Variants in ZNF469 observed in about 807,000 individuals in gnomAD.
ZNF469 encodes the protein zinc finger protein 469.
In ZNF469, 1 loss-of-function variant was observed where a neutral mutation model predicts 1.0. That is an observed-to-expected ratio of 1.00 (90% CI 0.35 to 4.73). ZNF469 has a LOEUF of 4.73. Ranked by LOEUF, ZNF469 falls within the 30% of genes most tolerant of loss-of-function variation. The probability of loss-of-function intolerance (pLI) is 0.16; values close to 1 mark genes in which losing one functional copy is unlikely to be tolerated. For synonymous variants in ZNF469, 2,703 were observed against 2,363.4 expected (o/e 1.14, Z -4.17); for missense variants, 6,100 against 5,356.3 (o/e 1.14, Z -4.33).
At position 88,427,908 on chromosome 16, in the gene ZNF469, G is replaced by C; in HGVS notation, c.438G>C (p.Gln146His). ...TPENPQLEAA[Q>H]LPEVDTPQGP... Reference sequence around the variant, plus strand: ...AGAACCCACAGCTGGAGGCTGCCCAGCTCCCTGAGGTGGACACCCCCCAGG... The same window carrying C: ...AGAACCCACAGCTGGAGGCTGCCCACCTCCCTGAGGTGGACACCCCCCAGG... Residue 146 changes from glutamine (Q) to histidine (H), a missense_variant, in exon 3 of 3, where the codon CAG becomes CAC. Physicochemically the swap from Gln to His is conservative, Grantham distance 24. Coordinates refer to ENST00000565624, the MANE Select transcript of ZNF469 (RefSeq NM_001367624.2). The C allele has an allele frequency of 6.5e-7, 1 of 1,549,846 alleles. No individual in the cohort carries two copies. Among genetic ancestry groups the C allele is most frequent in the Non-Finnish European group, 8.7e-7 (1 of 1,146,836 alleles).
the ZNF469 span, among the ~76,000 whole-genome samples, chr16:88,250,981 G>A: frequency 0.27 from 40,657 of 151,832 alleles, 6,413 homozygotes; most frequent in Middle Eastern, 0.43. Flanking sequence ...GGGTTCAAGC[G>A]ATTCTCCTGC....
the ZNF469 span, among the ~76,000 whole-genome samples, chr16:88,232,678 G>C: frequency 1.3e-5 from 2 of 152,230 alleles, no homozygotes; most frequent in African/African-American, 4.8e-5. Flanking sequence ...GGTAGCTGCA[G>C]AGTGATCAGG....
chr16:88,418,087 C>A (rs752119535), intron 1 of ZNF469, among the ~76,000 whole-genome samples: 12 of 152,174 alleles, frequency 7.9e-5, no homozygotes, highest in Non-Finnish European at 1.6e-4. Context: ...AACAGCTGCC[C>A]CAGCTGGACT....
At chr16:88,119,379 G>A in the ZNF469 span, among the ~76,000 whole-genome samples, 2 of 152,340 alleles carry the variant, frequency 1.3e-5, no homozygotes, top group Admixed American at 1.3e-4. Context: ...TGGTGCACGT[G>A]CGGGGCCCAT....
Position 88,430,148 on chromosome 16 carries a change from C to G in ZNF469, c.2678C>G (p.Pro893Arg). 1.3e-6 allele frequency: 2 copies of G among 1,550,094 alleles called. No homozygotes were observed. The highest frequency in any genetic ancestry group is 1.7e-6 in the Non-Finnish European group (2 of 1,146,864). ...HPLKSKAGVT[P>R]ESKAPPPLPA... ...CTTAAGAGCAAGGCGGGGGTGACTC[C>G]AGAGAGCAAAGCTCCGCCCCCGCTC... The change falls in exon 3 of 3, where the codon CCA (proline) becomes CGA (arginine). Residue 893 changes from proline to arginine, a missense_variant. By Grantham distance (103) the Pro-to-Arg change is moderately radical. Coordinates refer to ENST00000565624, the MANE Select transcript of ZNF469 (RefSeq NM_001367624.2).
At chr16:88,289,996 C>T in the ZNF469 span, among the ~76,000 whole-genome samples, 3 of 152,196 alleles carry the variant, frequency 2.0e-5, no homozygotes, top group Non-Finnish European at 4.4e-5. Flanking sequence ...AGGAGACACT[C>T]TGTCTGGGCA....
Position 88,428,998 on chromosome 16 carries a change from G to A in ZNF469, c.1528G>A (p.Gly510Ser), listed in dbSNP as rs755555951. 144 of 1,549,286 alleles carry A rather than the reference G, an allele frequency of 9.3e-5. No individual in the cohort carries two copies. Among genetic ancestry groups the A allele is most frequent in the Middle Eastern group, 1.7e-4 (1 of 6,012 alleles). ...GAGCCGGCTGCCTTTCCCCGCGGGGGGCCCCGAGTGGCAGGGGGGCAGCCA... is the reference window on the plus strand; with the variant it reads ...GAGCCGGCTGCCTTTCCCCGCGGGGAGCCCCGAGTGGCAGGGGGGCAGCCA... Reference protein sequence around the residue: ...MLSRLPFPAGGPEWQGGSQGA... With the variant: ...MLSRLPFPAGSPEWQGGSQGA... Residue 510 changes from glycine to serine, a missense_variant, in exon 3 of 3, where the codon GGC becomes AGC. By Grantham distance (56) the Gly-to-Ser change is moderately conservative (BLOSUM62 0). Transcript: ENST00000565624.
At chr16:88,292,219 T>A in the ZNF469 span, among the ~76,000 whole-genome samples, 1 of 152,108 alleles carries the variant, frequency 6.6e-6, no homozygotes, top group Non-Finnish European at 1.5e-5. Context: ...CTGAGCTGCC[T>A]GGTGTGCGTG....
At chr16:88,168,092 T>C in the ZNF469 span, among the ~76,000 whole-genome samples, 1 of 152,278 alleles carries the variant, frequency 6.6e-6, no homozygotes. This position sits in a 1 kb window ranked among gnomAD's most constrained non-coding sequence, Gnocchi z 4.3. Flanking sequence ...ACTTCGTTCA[T>C]CAAAACACAG....
chr16:88,249,948 C>A, the ZNF469 span, among the ~76,000 whole-genome samples: 1 of 152,248 alleles, frequency 6.6e-6, no homozygotes, highest in African/African-American at 2.4e-5. Context: ...TTCAGCATAG[C>A]TGGTTCCTTC....
At chr16:88,296,338 A>G in the ZNF469 span, among the ~76,000 whole-genome samples, 2 of 152,114 alleles carry the variant, frequency 1.3e-5, no homozygotes, top group African/African-American at 4.8e-5. Flanking sequence ...GGGGTGGGGG[A>G]ATGACACACA....
At chr16:88,260,812 G>A in the ZNF469 span, among the ~76,000 whole-genome samples, 1 of 152,152 alleles carries the variant, frequency 6.6e-6, no homozygotes, top group Non-Finnish European at 1.5e-5. This position sits in a 1 kb window ranked among gnomAD's most constrained non-coding sequence, Gnocchi z 4.1. Context: ...ATCTTGAGAT[G>A]GAAAGATTGT....
chr16:88,164,906 G>A, the ZNF469 span, among the ~76,000 whole-genome samples: 1 of 152,202 alleles, frequency 6.6e-6, no homozygotes, highest in East Asian at 1.9e-4. Flanking sequence ...TACACTGAGC[G>A]TGCTTTCCAA....
chr16:88,385,874 G>A (rs1422836790), intron 1 of ZNF469, among the ~76,000 whole-genome samples: 2 of 152,162 alleles, frequency 1.3e-5, no homozygotes, highest in African/African-American at 4.8e-5. Flanking sequence ...GGAGCACCCT[G>A]GCACAGGCCT....
At chr16:88,182,581 G>A in the ZNF469 span, among the ~76,000 whole-genome samples, 4 of 152,080 alleles carry the variant, frequency 2.6e-5, no homozygotes, top group South Asian at 6.3e-4. Flanking sequence ...GGAAATAAAC[G>A]CATGTATATA....
At chr16:88,214,286 C>G in the ZNF469 span, among the ~76,000 whole-genome samples, 1 of 152,188 alleles carries the variant, frequency 6.6e-6, no homozygotes, top group Non-Finnish European at 1.5e-5. Flanking sequence ...GCAGTTTGCT[C>G]ACAGCAAGGA....
the ZNF469 span, among the ~76,000 whole-genome samples, chr16:88,243,161 C>T: frequency 6.6e-6 from 1 of 152,208 alleles, no homozygotes. Flanking sequence ...TTGTCCTTGG[C>T]TGGTGGCCAG....
At chr16:88,181,291 T>C in the ZNF469 span, among the ~76,000 whole-genome samples, 2 of 150,318 alleles carry the variant, frequency 1.3e-5, no homozygotes, top group African/African-American at 4.9e-5. Context: ...AGGATGGTGT[T>C]GATCTCCTGA....
chr16:88,380,953 C>T (rs148635041), upstream of ZNF469, among the ~76,000 whole-genome samples: 20,350 of 138,936 alleles, frequency 0.15, 1,812 homozygotes, highest in Middle Eastern at 0.22. Flanking sequence ...CAGACACGCC[C>T]TCACACACAG....
Sources: allele counts gnomAD v4.1 joint callset (sites outside exome capture counted in the v4.1 genomes callset), GRCh38; gene constraint gnomAD v4.1.1; non-coding constraint Gnocchi (gnomAD v3.1); transcripts MANE v1.5; gene names NCBI Gene and HGNC (gene_info 2026-07-23, HGNC 2026-07-21).